Variants in SEC11C observed in about 807,000 individuals in gnomAD.
SEC11C encodes SEC11 homolog C, signal peptidase complex subunit.
Under a neutral mutation model 21.9 loss-of-function variants are expected in SEC11C, and 10 were observed. The ratio of observed to expected loss-of-function variants is 0.46; its 90% confidence interval spans 0.28 to 0.77. SEC11C has a LOEUF of 0.77. SEC11C is among the 30% of genes least tolerant of loss of function. The pLI, the probability that SEC11C is intolerant of heterozygous loss-of-function variation, is 0.12. For synonymous variants in SEC11C, 83 were observed against 85.6 expected, an observed-to-expected ratio of 0.97 and a Z score of 0.17; for missense variants, 145 against 244.5, an observed-to-expected ratio of 0.59 and a Z score of 2.71.
chr18:59,143,858 T>TTTCTTTTTTC lies in SEC11C; in HGVS notation c.87+3825_87+3826insCTTTTTTCTT, dbSNP rs772877340. Among the ~76,000 whole-genome samples, 4 of 149,318 alleles carry TTTCTTTTTTC rather than the reference T, an allele frequency of 2.7e-5. 1 individual carries two copies. Among genetic ancestry groups the TTTCTTTTTTC allele is most frequent in the African/African-American group, 2.5e-5 (1 of 40,190 alleles). On this transcript the variant is annotated intron_variant, in intron 1 of 5. Transcript: ENST00000587834. ...TAGTGGAGTAATCTGCCATTTTCTT[T>TTTCTTTTTTC]TTTTTTTTTTTGAGATGGAGTCTTG...
At chr18:59,140,232 C>T (rs1423327619) in intron 1 of SEC11C, among the ~76,000 whole-genome samples, 197 bp downstream of exon 1, 1 of 152,204 alleles carries the variant, frequency 6.6e-6, no homozygotes, top group African/African-American at 2.4e-5. Flanking sequence ...CTGACAAGAG[C>T]ACAATTAGGG....
chr18:59,150,449 C>T (rs1014831410), intron 2 of SEC11C, among the ~76,000 whole-genome samples: 3 of 152,268 alleles, frequency 2.0e-5, no homozygotes, highest in African/African-American at 2.4e-5. Flanking sequence ...CCAGGCCGCC[C>T]TCATGTGGTT....
intron 1 of SEC11C, among the ~76,000 whole-genome samples, chr18:59,145,285 T>A (rs62095622): frequency 0.25 from 37,313 of 152,082 alleles, 4,691 homozygotes; most frequent in South Asian, 0.29. Context: ...TCCCGCTACA[T>A]TGGCAGGGCT....
chr18:59,142,023 A>AC (rs1311099247), intron 1 of SEC11C, among the ~76,000 whole-genome samples: 1 of 152,212 alleles, frequency 6.6e-6, no homozygotes, highest in Non-Finnish European at 1.5e-5. Flanking sequence ...GCAAAGGTGA[A>AC]CAACAACAAA....
chr18:59,149,613 T>A lies in SEC11C; in HGVS notation c.188T>A (p.Val63Glu), dbSNP rs759847550. The A allele has an allele frequency of 2.5e-6, 4 of 1,609,480 alleles. No individual in the cohort carries two copies. The highest frequency in any genetic ancestry group is 3.4e-6 in the Non-Finnish European group (4 of 1,176,280). The part of the protein sequence containing the change: ...VLTGSESPIV[V>E]VLSGSMEPAF... ...ACAGGCAGTGAGAGCCCCATCGTGG[T>A]GGTGCTGAGGTAGGTCCCCCAGGCT... is the stretch of plus-strand genomic sequence containing the variant. The change falls in exon 2 of 6, where the codon GTG becomes GAG. Residue 63 changes from valine to glutamate, a missense_variant. By Grantham distance (121) the Val-to-Glu change is moderately radical. Coordinates refer to ENST00000587834, the MANE Select transcript of SEC11C (RefSeq NM_033280.4).
At position 59,150,931 on chromosome 18, in the gene SEC11C, G is replaced by GC. The variant is rs2069343623; in HGVS notation, c.197+1309_197+1310insC. On this transcript the variant is annotated intron_variant, in intron 2 of 5. Transcript: ENST00000587834. ...AATCTCACAGACACACTTGCACACAGAAGGTAGTGTGAAATTGCTGCACTT... is the reference window on the plus strand; with the variant it reads ...AATCTCACAGACACACTTGCACACAGCAAGGTAGTGTGAAATTGCTGCACTT... Among the ~76,000 whole-genome samples, 6 of 152,030 alleles carry GC rather than the reference G, an allele frequency of 3.9e-5. No individual in the cohort carries two copies. The South Asian group carries it at 1.2e-3, about 32-fold the overall frequency.
chr18:59,145,399 G>A lies in SEC11C; in HGVS notation c.88-4114G>A, dbSNP rs549461760. On this transcript the variant is annotated intron_variant, in intron 1 of 5. Coordinates refer to ENST00000587834, the MANE Select transcript of SEC11C (RefSeq NM_033280.4). ...TTCTGGTCTAGCCAGTCAGGGCAGGGTTCTGTTGGACACTGACATTTAAAG... is the reference window on the plus strand; with the variant it reads ...TTCTGGTCTAGCCAGTCAGGGCAGGATTCTGTTGGACACTGACATTTAAAG... 2.0e-5 allele frequency among the ~76,000 whole-genome samples: 3 copies of A among 152,294 alleles called. No homozygotes were observed. In the South Asian group the frequency reaches 6.2e-4, roughly 32 times the overall value.
intron 3 of SEC11C, 38 bp downstream of exon 3, chr18:59,152,723 A>G (rs749486528): frequency 6.5e-7 from 1 of 1,540,268 alleles, no homozygotes; most frequent in African/African-American, 1.4e-5. Flanking sequence ...TTGTTATGTA[A>G]ATTTTTGGTA....
chr18:59,154,402 G>T (rs939161522), intron 3 of SEC11C, among the ~76,000 whole-genome samples: 1 of 152,064 alleles, frequency 6.6e-6, no homozygotes, highest in Non-Finnish European at 1.5e-5. Flanking sequence ...TTATAATAGT[G>T]CATTCTTTTT....
chr18:59,153,238 C>G (rs2069379990), intron 3 of SEC11C: 1 of 152,236 alleles, frequency 6.6e-6, no homozygotes, highest in Non-Finnish European at 1.5e-5. Flanking sequence ...TTAATACCAG[C>G]TGTGACTTAC....
intron 1 of SEC11C, among the ~76,000 whole-genome samples, chr18:59,148,950 C>G (rs1354149898): frequency 6.6e-6 from 1 of 152,210 alleles, no homozygotes; most frequent in Non-Finnish European, 1.5e-5. Flanking sequence ...TGTTATTTAC[C>G]TTTTAAAACA....
In SEC11C at chr18:59,155,782, A is replaced by C; in HGVS notation, c.442A>C (p.Lys148Gln). The C allele has an allele frequency of 6.2e-7, 1 of 1,613,982 alleles. No individual in the cohort carries two copies. The change falls in exon 4 of 6, where the codon AAG (lysine) becomes CAG (glutamine). Residue 148 changes from lysine to glutamine, a missense_variant. Coordinates refer to ENST00000587834, the MANE Select transcript of SEC11C (RefSeq NM_033280.4). The stretch of plus-strand genomic sequence containing the variant: ...AGAAGGCCAGAACTGGCTGGAAAAG[A>C]AGGACGTGGTGGGAAGAGCAAGAGG... ...YKEGQNWLEK[K>Q]DVVGRARGFL...
chr18:59,141,258 GGT>G (rs1210333757), intron 1 of SEC11C, among the ~76,000 whole-genome samples: 1 of 152,160 alleles, frequency 6.6e-6, no homozygotes, highest in Non-Finnish European at 1.5e-5. Flanking sequence ...GTAGTGTCTA[GGT>G]GTGCAAAGCT....
At chr18:59,147,713 G>A (rs1337788730) in intron 1 of SEC11C, 1 of 150,054 alleles carries the variant, frequency 6.7e-6, no homozygotes, top group Non-Finnish European at 1.5e-5. Flanking sequence ...GGGTAGAAAA[G>A]CAGAGAAGCA....
chr18:59,140,074 C>G (rs745507887), intron 1 of SEC11C, 39 bp downstream of exon 1: 10 of 1,532,912 alleles, frequency 6.5e-6, no homozygotes, highest in Non-Finnish European at 8.0e-6. Flanking sequence ...TGGCCGGGAC[C>G]GCCTGTGCTA....
chr18:59,148,984 G>A (rs967783002), intron 1 of SEC11C, among the ~76,000 whole-genome samples: 1 of 152,212 alleles, frequency 6.6e-6, no homozygotes, highest in Non-Finnish European at 1.5e-5. Flanking sequence ...TAAACCTCCA[G>A]GTGTTTAGAG....
rs1568068334 is a variant in SEC11C, at chr18:59,157,684, CTA to C, written c.525+23_525+24del. 6.6e-7 allele frequency: 1 copy of C among 1,519,986 alleles called. No homozygotes were observed. The highest frequency in any genetic ancestry group is 1.7e-5 in the Admixed American group (1 of 59,552). The allele number at this position is 1,519,986 out of a possible 1,614,324, so 94.2% of individuals were successfully genotyped here. On this transcript the variant is annotated intron_variant, in intron 5 of 5. Transcript: ENST00000587834. ...ATTCAAGGTAGGAATTTATGTGTGT[CTA>C]TATTTATTTACTTCGTTAAATATTG...
chr18:59,154,904 A>G (rs1425445950), intron 3 of SEC11C, among the ~76,000 whole-genome samples: 1 of 152,134 alleles, frequency 6.6e-6, no homozygotes, highest in African/African-American at 2.4e-5. Context: ...CATCTCTACT[A>G]AAAATACAAA....
At chr18:59,144,726 T>TAAA (rs5825314) in intron 1 of SEC11C, among the ~76,000 whole-genome samples, 20 of 98,580 alleles carry the variant, frequency 2.0e-4, no homozygotes, top group Non-Finnish European at 2.7e-4. Flanking sequence ...CCTTGTATCT[T>TAAA]AAAAAAAAAA....
Sources: gnomAD v4.1 joint callset for allele counts (sites outside exome capture counted in the v4.1 genomes callset) on GRCh38, gnomAD v4.1.1 for gene constraint, MANE v1.5 for transcripts, NCBI Gene and HGNC (gene_info 2026-07-23, HGNC 2026-07-21) for gene names.